The following ADGRB1 variants were observed in gnomAD, a reference collection of about 807,000 sequenced individuals.
ADGRB1 encodes the protein adhesion G protein-coupled receptor B1, also known as brain-specific angiogenesis inhibitor 1.
ADGRB1 carries 36 observed loss-of-function variants against 175.7 expected under a neutral mutation model. The observed-to-expected ratio is 0.20, with a 90% CI of 0.16 to 0.27. The LOEUF is 0.27. ADGRB1 is among the 10% of genes least tolerant of loss of function. ADGRB1 has a pLI of 1.00. For synonymous variants in ADGRB1, 1,054 were observed against 979.4 expected (o/e 1.08, Z -1.42); for missense variants, 1,731 against 2,255.3 (o/e 0.77, Z 4.71).
intron 2 of ADGRB1, among the ~76,000 whole-genome samples, chr8:142,469,641 ACG>A (rs1191654735): frequency 9.7e-4 from 119 of 122,436 alleles, no homozygotes; most frequent in African/African-American, 3.8e-3. Context: ...GTGTATGTGC[ACG>A]TGCGTGTGAA....
chr8:142,530,617 C>T (rs533196001), intron 24 of ADGRB1, among the ~76,000 whole-genome samples: 51 of 152,248 alleles, frequency 3.3e-4, no homozygotes, highest in Non-Finnish European at 6.2e-4. Flanking sequence ...GGAGCAAGCC[C>T]GGAGCTGGGG....
Position 142,464,274 on chromosome 8 carries a change from C to T in ADGRB1, c.76C>T (p.Arg26Cys). 3 of 1,361,596 alleles carry T rather than the reference C, an allele frequency of 2.2e-6. No individual in the cohort carries two copies. Among genetic ancestry groups the T allele is most frequent in the Non-Finnish European group, 2.8e-6 (3 of 1,065,984 alleles). 84.3% of individuals were successfully genotyped at this position (1,361,596 alleles called of 1,614,324 possible). The change falls in exon 2 of 31, where the codon CGC becomes TGC. Residue 26 changes from arginine (R) to cysteine (C), a missense_variant. Physicochemically the swap from Arg to Cys is radical, Grantham distance 180. Around this residue, in one of 8 missense-constraint regions of ADGRB1, gnomAD observed 383 missense variants for 383.1 expected, o/e 1.00. Transcript: ENST00000517894. ...GCTACTGCTGCTGCTGCTGCTGGGACGCCGCGCGCGGGCGGCCGCCGGAGC... is the reference window on the plus strand; with the variant it reads ...GCTACTGCTGCTGCTGCTGCTGGGATGCCGCGCGCGGGCGGCCGCCGGAGC... The part of the protein sequence containing the change: ...PLLLLLLLLG[R>C]RARAAAGADA...
rs1840269657 is a variant in ADGRB1 at position 142,466,238 on chromosome 8, T to C, written c.784+1256T>C. Among the ~76,000 whole-genome samples, 3 of 152,094 alleles carry C rather than the reference T, an allele frequency of 2.0e-5. No homozygotes were observed. The South Asian group carries it at 6.2e-4, about 31-fold the overall frequency. ...GGCCATCTTGGGGCAATGGGACCCT[T>C]AGGGGTACCCAGGGGCCTTGACTTT... On this transcript the variant is annotated intron_variant, in intron 2 of 30. Transcript: ENST00000517894.
At chr8:142,484,273 G>A (rs777306991) in intron 12 of ADGRB1, among the ~76,000 whole-genome samples, 1 of 152,248 alleles carries the variant, frequency 6.6e-6, no homozygotes, top group East Asian at 1.9e-4. Flanking sequence ...CAGTGAGGAG[G>A]TTCCAGAAAA....
At chr8:142,479,649 T>G (rs2131815165) in intron 8 of ADGRB1, 44 bp from the exon 9 acceptor site, 1 of 1,575,022 alleles carries the variant, frequency 6.3e-7, no homozygotes, top group Middle Eastern at 1.7e-4. Flanking sequence ...AGCTGCCGGC[T>G]CTCAGTACCC....
chr8:142,528,986 G>T (rs1430208446), intron 24 of ADGRB1, among the ~76,000 whole-genome samples: 1 of 152,238 alleles, frequency 6.6e-6, no homozygotes, highest in Non-Finnish European at 1.5e-5. Flanking sequence ...GCTGCAAGCT[G>T]TGGTTTCTTG....
rs1032150681 is a variant in ADGRB1, at chr8:142,476,710, G to C, written c.1057+15G>C. 1 of 1,538,326 alleles carries C rather than the reference G, an allele frequency of 6.5e-7. No individual in the cohort carries two copies. The highest frequency in any genetic ancestry group is 1.4e-5 in the African/African-American group (1 of 72,824). ...CCCCCAGACCGGTGAGCTGGCGGGAGGGGGGTGGGTGGGACTAGGGCTTTG... is the reference window on the plus strand; with the variant it reads ...CCCCCAGACCGGTGAGCTGGCGGGACGGGGGTGGGTGGGACTAGGGCTTTG... On this transcript the variant is annotated intron_variant, in intron 4 of 30. Transcript: ENST00000517894.
In ADGRB1 at chr8:142,541,930, G is replaced by A. The variant is rs1296694844; in HGVS notation, c.3707-11G>A. 2.0e-6 allele frequency: 3 copies of A among 1,535,576 alleles called. No individual in the cohort carries two copies. The highest frequency in any genetic ancestry group is 2.6e-6 in the Non-Finnish European group (3 of 1,142,862). On this transcript the variant is annotated splice_polypyrimidine_tract_variant and intron_variant, in intron 27 of 30. Coordinates refer to ENST00000517894, the MANE Select transcript of ADGRB1 (RefSeq NM_001702.3). ...CACCTGTCCCCGCTGTCTCCCCCGC[G>A]GCCCCTGCAGTGCTGAACAAGGACA...
In ADGRB1 at chr8:142,542,389, G is replaced by A; in HGVS notation, c.4155G>A (p.Glu1385=). The A allele has an allele frequency of 6.4e-7, 1 of 1,559,416 alleles. No homozygotes were observed. The highest frequency in any genetic ancestry group is 8.7e-7 in the Non-Finnish European group (1 of 1,153,786). Residue 1385 remains glutamate, a synonymous_variant, in exon 28 of 31, where the codon GAG becomes GAA. Coordinates refer to ENST00000517894, the MANE Select transcript of ADGRB1 (RefSeq NM_001702.3). The surrounding 1 kb of genome is among the most constrained non-coding windows in gnomAD (Gnocchi z 6.3). Reference sequence around the variant, plus strand: ...TCATCCACCTCAGCACGGCCCCCGAGGCCAGCCTCCCCGCCCGCAGCCCGC... The same window carrying A: ...TCATCCACCTCAGCACGGCCCCCGAAGCCAGCCTCCCCGCCCGCAGCCCGC... ...TRLIHLSTAP[E]ASLPARSPPS...
rs1287079728 is a variant in ADGRB1, at chr8:142,500,272, CGCTCCTCCACCT to C, written c.2675+9458_2675+9469del. 6.7e-4 allele frequency among the ~76,000 whole-genome samples: 69 copies of C among 102,542 alleles called. 7 individuals are homozygous for C. Among genetic ancestry groups the C allele is most frequent in the South Asian group, 2.8e-3 (6 of 2,142 alleles). The allele number at this position is 102,542 out of a possible 152,430, so 67.3% of individuals were successfully genotyped here. Reference sequence around the variant, plus strand: ...GCCGCTCCTCCACCTCCCCACGCGCCGCTCCTCCACCTCCCCACGCGCCGCTCCTCCACCTCC... The same window carrying C: ...GCCGCTCCTCCACCTCCCCACGCGCCCCCCACGCGCCGCTCCTCCACCTCC... On this transcript the variant is annotated intron_variant, in intron 17 of 30. Coordinates refer to ENST00000517894, the MANE Select transcript of ADGRB1 (RefSeq NM_001702.3).
chr8:142,509,548 G>A (rs182693128), intron 17 of ADGRB1, among the ~76,000 whole-genome samples: 4 of 152,340 alleles, frequency 2.6e-5, no homozygotes, highest in East Asian at 1.9e-4. Flanking sequence ...CTCAGCCCCC[G>A]TTGGTACAGT....
At chr8:142,483,913 T>C in intron 11 of ADGRB1, 64 bp from the exon 12 acceptor site, 1 of 1,559,152 alleles carries the variant, frequency 6.4e-7, no homozygotes, top group South Asian at 1.1e-5. Context: ...CTGACCCTGG[T>C]CACAGTGAAC....
intron 18 of ADGRB1, among the ~76,000 whole-genome samples, chr8:142,517,462 C>T (rs1176135488): frequency 6.6e-6 from 1 of 152,218 alleles, no homozygotes; most frequent in East Asian, 1.9e-4. Context: ...GAGAGGAGCT[C>T]ACAGGGGGCA....
At chr8:142,519,590 TGTGGTGGTGATGGTAGTGATG>T (rs1843645921) in intron 19 of ADGRB1, among the ~76,000 whole-genome samples, 1 of 106,578 alleles carries the variant, frequency 9.4e-6, no homozygotes, top group African/African-American at 3.7e-5. Context: ...TGGTGGTGAT[TGTGGTGGTGATGGTAGTGATG>T]GTGGTGGTGA....
intron 17 of ADGRB1, among the ~76,000 whole-genome samples, chr8:142,498,975 C>G (rs1842355932): frequency 6.6e-6 from 1 of 152,178 alleles, no homozygotes; most frequent in African/African-American, 2.4e-5. Flanking sequence ...CTCTTGGGAG[C>G]TTGGCTGTGG....
rs1840198289 is a variant in ADGRB1 at position 142,465,112 on chromosome 8, G to A, written c.784+130G>A. The A allele has an allele frequency of 3.6e-6, 3 of 823,036 alleles. 1 individual carries two copies. The highest frequency in any genetic ancestry group is 5.2e-6 in the Non-Finnish European group (3 of 575,800). The allele number at this position is 823,036 out of a possible 1,614,324, so 51.0% of individuals were successfully genotyped here. On this transcript the variant is annotated intron_variant, in intron 2 of 30. Coordinates refer to ENST00000517894, the MANE Select transcript of ADGRB1 (RefSeq NM_001702.3). ...GTGGGCGGGCAGGCGGAGGTGGGTG[G>A]GTAGGGGAGGTGGACCGGGGTCTTC...
Position 142,510,888 on chromosome 8 carries a change from C to T in ADGRB1, c.2676-44C>T. 2.0e-6 allele frequency: 2 copies of T among 1,024,406 alleles called. No homozygotes were observed. The highest frequency in any genetic ancestry group is 2.3e-6 in the Non-Finnish European group (2 of 851,994). The allele number at this position is 1,024,406 out of a possible 1,614,324, so 63.5% of individuals were successfully genotyped here. On this transcript the variant is annotated intron_variant, in intron 17 of 30. Coordinates refer to ENST00000517894, the MANE Select transcript of ADGRB1 (RefSeq NM_001702.3). This position sits in a 1 kb window ranked among gnomAD's most constrained non-coding sequence, Gnocchi z 6.3. ...CGGGGCGCCCGCGTCCCCGCCGCCG[C>T]TGACGCTCCGCCTGTCTCCCTCCCG...
In ADGRB1 at chr8:142,464,465, GC is replaced by G; in HGVS notation, c.270del (p.Val91CysfsTer146). On this transcript the variant is annotated frameshift_variant, in exon 2 of 31. Coordinates refer to ENST00000517894, the MANE Select transcript of ADGRB1 (RefSeq NM_001702.3). LOFTEE classifies it high-confidence loss of function. The part of the protein sequence containing the change: ...YTLYMKVAKA[P>X]VPCSGPGRVR... ...CTCTCTACATGAAGGTGGCCAAGGC[GC>G]CCGTGCCCTGCAGCGGCCCCGGCCG... The G allele has an allele frequency of 6.3e-7, 1 of 1,580,070 alleles. No individual in the cohort carries two copies.
chr8:142,539,529 C>G, intron 27 of ADGRB1, 116 bp downstream of exon 27: 4 of 1,276,674 alleles, frequency 3.1e-6, no homozygotes, highest in Non-Finnish European at 4.4e-6. Context: ...CTGCTGCCCC[C>G]ACCCACACCC....
Sources: allele counts gnomAD v4.1 joint callset (sites outside exome capture counted in the v4.1 genomes callset), GRCh38; gene constraint gnomAD v4.1.1; regional missense constraint gnomAD v4.1.1; non-coding constraint Gnocchi (gnomAD v3.1); transcripts MANE v1.5; gene names NCBI Gene and HGNC (gene_info 2026-07-23, HGNC 2026-07-21).